Variants in ZNF385A observed in about 807,000 individuals in gnomAD.
The protein encoded by ZNF385A is zinc finger protein 385A.
In ZNF385A, 14 loss-of-function variants were observed where a neutral mutation model predicts 32.1. The ratio of observed to expected loss-of-function variants is 0.44; its 90% CI spans 0.29 to 0.68. ZNF385A has a LOEUF of 0.68. Ranked by LOEUF, ZNF385A falls within the 30% of genes least tolerant of loss-of-function variation. ZNF385A has a pLI of 0.14. For synonymous variants in ZNF385A, 197 were observed against 202.7 expected, an observed-to-expected ratio of 0.97 and a Z score of 0.24; for missense variants, 406 against 478.4, an observed-to-expected ratio of 0.85 and a Z score of 1.41.
At chr12:54,385,139 G>A (rs1955406757), upstream of ZNF385A, 1 of 154,960 alleles carries the variant, frequency 6.5e-6, no homozygotes, top group Non-Finnish European at 1.4e-5. Context: ...GTAGTGGGTT[G>A]GGTGGCTTTT....
Position 54,390,828 on chromosome 12 carries a change from C to T in ZNF385A, c.10+407G>A, listed in dbSNP as rs1234944913. On this transcript the variant is annotated intron_variant, in intron 1 of 7. Transcript: ENST00000338010. ...TGGGCCCAGAAGGATGTCGGAGTAT[C>T]TAAGCTAAGGGTGGGGGAAGACGCT... Among the ~76,000 whole-genome samples, 3 of 151,912 alleles carry T rather than the reference C, an allele frequency of 2.0e-5. No homozygotes were observed. The East Asian group carries it at 5.8e-4, about 29-fold the overall frequency.
At chr12:54,376,575 T>C (rs1009417469) in intron 1 of ZNF385A, among the ~76,000 whole-genome samples, 1 of 152,124 alleles carries the variant, frequency 6.6e-6, no homozygotes, top group Non-Finnish European at 1.5e-5. Flanking sequence ...TAGTGAATCA[T>C]GGGGACTAAA....
At chr12:54,379,251 AGGCGGGGCCGAGGACGGG>A (rs1318242573) in intron 1 of ZNF385A, 25 of 967,008 alleles carry the variant, frequency 2.6e-5, no homozygotes, top group Non-Finnish European at 3.1e-5. Context: ...CCCGCCCCGG[AGGCGGGGCCGAGGACGGG>A]GGCGGGGACA....
In ZNF385A at chr12:54,373,456, T is replaced by C. The variant is rs568368250; in HGVS notation, c.361+517A>G. Among the ~76,000 whole-genome samples, 20 of 146,540 alleles carry C rather than the reference T, an allele frequency of 1.4e-4. No homozygotes were observed. In the South Asian group the frequency reaches 4.2e-3, roughly 31 times the overall value. ...GTAAACTTGGAAAAGACCTCAAAGA[T>C]CTTAGTCTCACTCCTCTATTTCCCA... On this transcript the variant is annotated intron_variant, in intron 3 of 6. Transcript: ENST00000394313.
rs1955367709 is a variant in ZNF385A, at chr12:54,384,546, C to T, written c.-32G>A. On this transcript the variant is annotated 5_prime_UTR_variant, in exon 1 of 7. Transcript: ENST00000394313. ...GGGCTGCCGTAGCAGAGGCAGGGGC[C>T]CTGCCCGGCTCAGGCTGCCTGAAGG... is the stretch of plus-strand genomic sequence containing the variant. The T allele has an allele frequency of 1.3e-6, 2 of 1,488,824 alleles. No individual in the cohort carries two copies. The highest frequency in any genetic ancestry group is 2.6e-5 in the Admixed American group (1 of 38,240). The allele number at this position is 1,488,824 out of a possible 1,614,324, so 92.2% of individuals were successfully genotyped here.
upstream of ZNF385A, among the ~76,000 whole-genome samples, chr12:54,387,239 C>G (rs1217827424): frequency 6.6e-6 from 1 of 152,166 alleles, no homozygotes; most frequent in Non-Finnish European, 1.5e-5. Context: ...CTATGGCTAA[C>G]AACTCATCTT....
chr12:54,372,555 G>A (rs560762157), intron 3 of ZNF385A, among the ~76,000 whole-genome samples: 1 of 152,324 alleles, frequency 6.6e-6, no homozygotes, highest in South Asian at 2.1e-4. Context: ...TATAAAGCAC[G>A]GCAGGTATAG....
At position 54,373,995 on chromosome 12, in the gene ZNF385A, C is replaced by T. The variant is rs572437962; in HGVS notation, c.339G>A (p.Gly113=). 13 of 1,571,692 alleles carry T rather than the reference C, an allele frequency of 8.3e-6. No homozygotes were observed. In the South Asian group the frequency reaches 1.4e-4, roughly 17 times the overall value. The change falls in exon 3 of 7, where the codon GGG becomes GGA. Residue 113 remains glycine (G), a synonymous_variant. Transcript: ENST00000394313. ...PAPPGSTPTN[G]DGVAPRPVSM... ...CACCTGGACGGGGTGCTACACCATC[C>T]CCATTTGTTGGGGTGCTGCCTGGGG...
intron 3 of ZNF385A, 126 bp downstream of exon 3, chr12:54,373,847 T>C: frequency 1.9e-6 from 2 of 1,066,858 alleles, no homozygotes; most frequent in Non-Finnish European, 2.5e-6. Flanking sequence ...AGGACTCACC[T>C]TGGGTGGGGG....
chr12:54,388,295 C>T (rs1955547383), upstream of ZNF385A, among the ~76,000 whole-genome samples: 1 of 152,234 alleles, frequency 6.6e-6, no homozygotes, highest in Non-Finnish European at 1.5e-5. Flanking sequence ...TCCATTTTCA[C>T]ATCCTACTTA....
chr12:54,388,986 G>C (rs1034517243), upstream of ZNF385A, among the ~76,000 whole-genome samples: 1 of 152,202 alleles, frequency 6.6e-6, no homozygotes, highest in African/African-American at 2.4e-5. Context: ...ATAACCCCAG[G>C]GTGGATGTGG....
chr12:54,372,392 G>C (rs1442963438), intron 3 of ZNF385A, among the ~76,000 whole-genome samples: 2 of 152,164 alleles, frequency 1.3e-5, no homozygotes, highest in Non-Finnish European at 2.9e-5. Flanking sequence ...TGGGGAGCTT[G>C]TGGGAGGGGA....
intron 1 of ZNF385A, among the ~76,000 whole-genome samples, chr12:54,376,228 A>G (rs1168370026): frequency 6.6e-6 from 1 of 152,194 alleles, no homozygotes; most frequent in African/African-American, 2.4e-5. Context: ...CAGATCTGGT[A>G]TCTGAACCTG....
chr12:54,384,573 C>T lies in ZNF385A; in HGVS notation c.-59G>A. The stretch of plus-strand genomic sequence containing the variant: ...TGCCCGGCTCAGGCTGCCTGAAGGG[C>T]AGAGAAAACATTCTGTGGGGTAGGA... On this transcript the variant is annotated 5_prime_UTR_variant, in exon 1 of 7. Coordinates refer to ENST00000394313, the MANE Select transcript of ZNF385A (RefSeq NM_015481.3). 6.9e-7 allele frequency: 1 copy of T among 1,450,562 alleles called. No homozygotes were observed. 89.9% of individuals were successfully genotyped at this position (1,450,562 alleles called of 1,614,324 possible).
At position 54,371,460 on chromosome 12, in the gene ZNF385A, G is replaced by A. The variant is rs1186862080; in HGVS notation, c.604+13C>T. ...GGACAGGAGAGTCTGGGTGGGGGCA[G>A]GGGAGTCCATACCTTTGTTATGTGC... On this transcript the variant is annotated intron_variant, in intron 4 of 6. Coordinates refer to ENST00000394313, the MANE Select transcript of ZNF385A (RefSeq NM_015481.3). The A allele has an allele frequency of 6.2e-7, 1 of 1,600,274 alleles. No homozygotes were observed. The highest frequency in any genetic ancestry group is 1.1e-5 in the South Asian group (1 of 90,328).
intron 2 of ZNF385A, among the ~76,000 whole-genome samples, chr12:54,374,410 A>G (rs200224378): frequency 7.0e-6 from 1 of 143,364 alleles, no homozygotes; most frequent in African/African-American, 2.6e-5. Context: ...TCAGACCCCC[A>G]CCTAGTCCTG....
intron 2 of ZNF385A, 83 bp from the exon 3 acceptor site, chr12:54,374,218 G>A: frequency 7.5e-7 from 1 of 1,330,782 alleles, no homozygotes; most frequent in Non-Finnish European, 9.9e-7. Flanking sequence ...CAAGTCCTGG[G>A]GTGATCTCAG....
Position 54,371,653 on chromosome 12 carries a change from A to G in ZNF385A, c.424T>C (p.Ser142Pro). The G allele has an allele frequency of 6.2e-7, 1 of 1,610,504 alleles. No individual in the cohort carries two copies. The highest frequency in any genetic ancestry group is 8.5e-7 in the Non-Finnish European group (1 of 1,178,906). The change falls in exon 4 of 7, where the codon TCC becomes CCC. Residue 142 changes from serine (S) to proline (P), a missense_variant. Ser to Pro is a moderately conservative substitution (Grantham distance 74). Transcript: ENST00000394313. ...GSPEKQPGSP[S>P]PPSIPETGQG... ...CCAGTCTCCGGAATGCTGGGAGGGG[A>G]TGGGGAGCCAGGCTGTTTCTCTGGG...
At chr12:54,376,360 G>A (rs1193671909) in intron 1 of ZNF385A, among the ~76,000 whole-genome samples, 4 of 152,172 alleles carry the variant, frequency 2.6e-5, no homozygotes, top group Non-Finnish European at 4.4e-5. Flanking sequence ...CTAGATCCTA[G>A]GGCCTTCAGC....
Sources: allele counts gnomAD v4.1 joint callset (sites outside exome capture counted in the v4.1 genomes callset), GRCh38; gene constraint gnomAD v4.1.1; transcripts MANE v1.5; gene names NCBI Gene and HGNC (gene_info 2026-07-23, HGNC 2026-07-21).